IFT27: variants seen among roughly 807,000 people sequenced by gnomAD.
IFT27 encodes the protein intraflagellar transport protein 27 homolog.
In IFT27, 19 loss-of-function variants were observed where a neutral mutation model predicts 23.9. The observed-to-expected ratio is 0.79, with a 90% CI of 0.55 to 1.16. The LOEUF (loss-of-function observed/expected upper bound fraction) is 1.16, where lower values mean the gene tolerates loss of function less well. IFT27 is among the 50% of genes most tolerant of loss of function. The pLI, the probability that IFT27 is intolerant of heterozygous loss-of-function variation, is 0.00. For synonymous variants in IFT27, 91 were observed against 89.1 expected, an observed-to-expected ratio of 1.02 and a Z score of -0.12; for missense variants, 206 against 228.7, an observed-to-expected ratio of 0.90 and a Z score of 0.64.
chr22:36,760,372 C>G (rs990709442), intron 6 of IFT27: 1 of 152,224 alleles, frequency 6.6e-6, no homozygotes, highest in South Asian at 2.1e-4. Context: ...ATAGACACCA[C>G]GGCGTGCTTC....
rs551959746 is a variant in IFT27, at chr22:36,762,974, C to T, written c.392G>A (p.Arg131Gln). The change falls in exon 6 of 7, where the codon CGA becomes CAA. Residue 131 changes from arginine to glutamine, a missense_variant. Coordinates refer to ENST00000433985, the MANE Select transcript of IFT27 (RefSeq NM_001177701.3). ...VGNKTDLAGR[R>Q]AVDSAEARAW... Reference sequence around the variant, plus strand: ...CCGGGCCTCAGCTGAGTCCACTGCTCGTCTGCCGGCCAGGTCTGTCTTGTT... The same window carrying T: ...CCGGGCCTCAGCTGAGTCCACTGCTTGTCTGCCGGCCAGGTCTGTCTTGTT... The T allele has an allele frequency of 1.7e-5, 28 of 1,606,796 alleles. No individual in the cohort carries two copies. The highest frequency in any genetic ancestry group is 4.5e-5 in the East Asian group (2 of 44,608).
chr22:36,762,774 T>C, intron 6 of IFT27, 130 bp downstream of exon 6: 1 of 494,628 alleles, frequency 2.0e-6, no homozygotes, highest in Non-Finnish European at 3.5e-6. Context: ...GGTAAGAATG[T>C]AAACATCAGT....
At chr22:36,761,706 C>T (rs1938094732) in intron 6 of IFT27, 1 of 152,180 alleles carries the variant, frequency 6.6e-6, no homozygotes, top group South Asian at 2.1e-4. Context: ...ATAACATGTC[C>T]AGGTTCCCAC....
intron 1 of IFT27, among the ~76,000 whole-genome samples, chr22:36,773,359 CA>C (rs200264786): frequency 5.9e-5 from 8 of 135,974 alleles, no homozygotes; most frequent in Non-Finnish European, 6.3e-5. Context: ...AATTACGCCT[CA>C]AAAAAAAAGG....
chr22:36,766,077 CA>C, intron 4 of IFT27, 60 bp downstream of exon 4: 2 of 1,331,132 alleles, frequency 1.5e-6, no homozygotes, highest in Non-Finnish European at 2.2e-6. Context: ...TGAGCACTGT[CA>C]GGGGTAAACG....
At chr22:36,771,047 GGTGTGTGT>G (rs138610291) in intron 1 of IFT27, among the ~76,000 whole-genome samples, 1 of 150,862 alleles carries the variant, frequency 6.6e-6, no homozygotes, top group Non-Finnish European at 1.5e-5. Flanking sequence ...CCTGTCTTGG[GGTGTGTGT>G]GTGTGTGTGT....
chr22:36,775,186 C>T (rs1182521755), intron 1 of IFT27, among the ~76,000 whole-genome samples: 1 of 152,058 alleles, frequency 6.6e-6, no homozygotes, highest in African/African-American at 2.4e-5. Flanking sequence ...GTCTTAAAGA[C>T]AACACACAAG....
At chr22:36,765,393 A>G (rs1440063494) in intron 4 of IFT27, among the ~76,000 whole-genome samples, 3 of 152,184 alleles carry the variant, frequency 2.0e-5, no homozygotes, top group Non-Finnish European at 2.9e-5. Flanking sequence ...CCCCAGTGCC[A>G]GGCCATGCAC....
Position 36,776,000 on chromosome 22 carries a change from C to T in IFT27, c.-293G>A. 1 of 541,954 alleles carries T rather than the reference C, an allele frequency of 1.8e-6. No homozygotes were observed. The highest frequency in any genetic ancestry group is 3.2e-5 in the East Asian group (1 of 31,010). The allele number at this position is 541,954 out of a possible 1,614,324, so 33.6% of individuals were successfully genotyped here. On this transcript the variant is annotated 5_prime_UTR_variant, in exon 1 of 7. Transcript: ENST00000433985. Reference sequence around the variant, plus strand: ...TGCAAGCGAGCGGACACGGCCTGTGCTCCCCGCCCAGCCCCTCAGCACAGC... The same window carrying T: ...TGCAAGCGAGCGGACACGGCCTGTGTTCCCCGCCCAGCCCCTCAGCACAGC...
intron 1 of IFT27, among the ~76,000 whole-genome samples, chr22:36,773,123 G>T (rs942516462): frequency 2.0e-5 from 3 of 152,182 alleles, no homozygotes; most frequent in Non-Finnish European, 4.4e-5. Flanking sequence ...ACTTTGGGAG[G>T]CTGAGGCAGG....
intron 2 of IFT27, 48 bp from the exon 3 acceptor site, chr22:36,767,413 G>C (rs754842308): frequency 7.3e-5 from 113 of 1,557,490 alleles, no homozygotes; most frequent in Non-Finnish European, 9.2e-5. Flanking sequence ...CCCAAAGGGA[G>C]AGCATGTTAC....
intron 1 of IFT27, among the ~76,000 whole-genome samples, chr22:36,773,649 C>T (rs1294380434): frequency 7.1e-5 from 7 of 98,036 alleles, no homozygotes; most frequent in South Asian, 3.5e-4. Context: ...AGTGAAACTC[C>T]GTCTCAAAAA....
chr22:36,761,921 C>T (rs565376560), intron 6 of IFT27: 1 of 152,376 alleles, frequency 6.6e-6, no homozygotes, highest in African/African-American at 2.4e-5. Flanking sequence ...CAGCCCATGA[C>T]TCAATTCTGA....
At chr22:36,763,487 C>T (rs1367746151) in intron 5 of IFT27, 1 of 288,262 alleles carries the variant, frequency 3.5e-6, no homozygotes, top group African/African-American at 2.2e-5. Context: ...ATCACTTTCC[C>T]CGGTCTATAA....
intron 1 of IFT27, chr22:36,772,294 C>T (rs982110174): frequency 1.9e-5 from 3 of 160,120 alleles, no homozygotes; most frequent in Admixed American, 6.5e-5. Context: ...TGGAGCCAGA[C>T]TCCAGCTCCA....
At chr22:36,763,686 C>A in intron 5 of IFT27, 1 of 612,070 alleles carries the variant, frequency 1.6e-6, no homozygotes, top group Admixed American at 2.4e-5. Context: ...AGTCTCCCCA[C>A]AGCCCTGCCA....
At chr22:36,772,396 C>T (rs1389421322) in intron 1 of IFT27, 18 of 586,776 alleles carry the variant, frequency 3.1e-5, no homozygotes, top group Non-Finnish European at 3.9e-5. Context: ...ATAGCACCTA[C>T]CCCACAGAAT....
chr22:36,767,159 A>C, intron 3 of IFT27, 147 bp downstream of exon 3: 1 of 595,894 alleles, frequency 1.7e-6, no homozygotes, highest in Non-Finnish European at 3.1e-6. Context: ...CCTCCCTTGA[A>C]TGCTTCCCGA....
Position 36,758,427 on chromosome 22 carries a change from A to G in IFT27, c.463-18T>C. 3 of 1,603,390 alleles carry G rather than the reference A, an allele frequency of 1.9e-6. No individual in the cohort carries two copies. The highest frequency in any genetic ancestry group is 2.6e-6 in the Non-Finnish European group (3 of 1,170,748). On this transcript the variant is annotated intron_variant, in intron 6 of 6. Transcript: ENST00000433985. ...ATCTCTTTCTGGAAAGACAGTTTAA[A>G]AAGTTGGCTGTGTTCTTTTAGAAGG...
Sources: gnomAD v4.1 joint callset for allele counts (sites outside exome capture counted in the v4.1 genomes callset) on GRCh38, gnomAD v4.1.1 for gene constraint, MANE v1.5 for transcripts, NCBI Gene and HGNC (gene_info 2026-07-23, HGNC 2026-07-21) for gene names.